The following CEP350 variants were observed in gnomAD, a reference collection of about 807,000 sequenced individuals.
The protein encoded by CEP350 is centrosomal protein 350.
In CEP350, 126 loss-of-function variants were observed where a neutral mutation model predicts 331.8. The ratio of observed to expected loss-of-function variants is 0.38; its 90% CI spans 0.33 to 0.44. The LOEUF (loss-of-function observed/expected upper bound fraction) is 0.44, where lower values mean the gene tolerates loss of function less well. Among genes scored for constraint, CEP350 ranks in the 20% least tolerant of loss-of-function variants. CEP350 has a pLI of 1.00. For missense variants in CEP350, 3,406 were observed against 3,634.6 expected (o/e 0.94, Z 1.62); for synonymous variants, 1,200 against 1,259.5 (o/e 0.95, Z 1.00).
chr1:180,071,529 C>A (rs936476153), intron 27 of CEP350, among the ~76,000 whole-genome samples: 1 of 147,972 alleles, frequency 6.8e-6, no homozygotes, highest in Admixed American at 6.7e-5. Context: ...GTAATCCCAG[C>A]ACTTTGGGAG....
chr1:180,082,729 A>T (rs1027948138), intron 30 of CEP350, among the ~76,000 whole-genome samples: 1 of 152,176 alleles, frequency 6.6e-6, no homozygotes, highest in Non-Finnish European at 1.5e-5. Flanking sequence ...TGGTAAATAT[A>T]TTTTTTATTG....
rs756121928 is a variant in CEP350 at position 180,092,621 on chromosome 1, A to C, written c.6516A>C (p.Ser2172=). ...ATTTGTTTTTTCTTTAAGATGCTTC[A>C]CTGTCTGGTTCTGAGAGATCAGTAT... The part of the protein sequence containing the change: ...LESIAEHVDA[S]LSGSERSVSE... Residue 2172 remains serine, a synonymous_variant, in exon 34 of 38, where the codon TCA becomes TCC. Coordinates refer to ENST00000367607, the MANE Select transcript of CEP350 (RefSeq NM_014810.5). The C allele has an allele frequency of 6.6e-7, 1 of 1,525,294 alleles. No homozygotes were observed. The highest frequency in any genetic ancestry group is 8.8e-7 in the Non-Finnish European group (1 of 1,134,940). 94.5% of individuals were successfully genotyped at this position (1,525,294 alleles called of 1,614,324 possible).
rs1223565412 is a variant in CEP350, at chr1:180,078,753, A to G, written c.5979+79A>G. On this transcript the variant is annotated intron_variant, in intron 29 of 37. Coordinates refer to ENST00000367607, the MANE Select transcript of CEP350 (RefSeq NM_014810.5). The stretch of plus-strand genomic sequence containing the variant: ...GTATGTTAGCAGTTATATTATTGTA[A>G]TTAATGACAGTGTTAACTGTCACCA... The G allele has an allele frequency of 2.5e-6, 3 of 1,205,044 alleles. No homozygotes were observed. In the African/African-American group the frequency reaches 4.6e-5, roughly 19 times the overall value. The allele number at this position is 1,205,044 out of a possible 1,614,324, so 74.6% of individuals were successfully genotyped here. A position where few individuals can be genotyped will look rare whatever the true frequency, so the allele number is the denominator to read the frequency against.
At chr1:180,096,219 A>G (rs887965765) in intron 36 of CEP350, 35 bp downstream of exon 36, 3 of 1,519,382 alleles carry the variant, frequency 2.0e-6, no homozygotes, top group East Asian at 4.8e-5. Flanking sequence ...TTCTTTTTTG[A>G]CTTGCTGTTC....
At chr1:179,986,757 G>A (rs188546648) in intron 2 of CEP350, among the ~76,000 whole-genome samples, 3 of 152,272 alleles carry the variant, frequency 2.0e-5, no homozygotes, top group Non-Finnish European at 1.5e-5. Flanking sequence ...CCTGGAGAAG[G>A]ATGACTTATG....
intron 34 of CEP350, chr1:180,095,288 TC>T: frequency 5.1e-6 from 2 of 390,700 alleles, no homozygotes; most frequent in South Asian, 6.5e-5. Context: ...AGAGCCCTAA[TC>T]AATAAACATT....
intron 30 of CEP350, 118 bp downstream of exon 30, chr1:180,080,779 A>G (rs1414866904): frequency 1.2e-6 from 1 of 829,392 alleles, no homozygotes; most frequent in African/African-American, 1.7e-5. Context: ...TGGTGAGTTT[A>G]TGTAGGATTG....
chr1:180,090,774 G>C lies in CEP350; in HGVS notation c.6486G>C (p.Leu2162=). Reference sequence around the variant, plus strand: ...AGTCAGAACGTTCCAGAGGATCCCTGGAGTCTATTGCTGAACATGTTGGTA... The same window carrying C: ...AGTCAGAACGTTCCAGAGGATCCCTCGAGTCTATTGCTGAACATGTTGGTA... ...LTESERSRGS[L]ESIAEHVDAS... Residue 2162 remains leucine, a synonymous_variant, in exon 33 of 38, where the codon CTG becomes CTC. Coordinates refer to ENST00000367607, the MANE Select transcript of CEP350 (RefSeq NM_014810.5). The C allele has an allele frequency of 6.5e-7, 1 of 1,548,624 alleles. No individual in the cohort carries two copies. Among genetic ancestry groups the C allele is most frequent in the South Asian group, 1.2e-5 (1 of 83,280 alleles).
At chr1:180,034,203 C>T in intron 16 of CEP350, 121 bp downstream of exon 16, 1 of 1,220,586 alleles carries the variant, frequency 8.2e-7, no homozygotes, top group Non-Finnish European at 1.1e-6. Context: ...AATATGATTA[C>T]TTTTCAAGTA....
intron 26 of CEP350, among the ~76,000 whole-genome samples, chr1:180,064,751 T>G (rs1658443663): frequency 6.6e-6 from 1 of 152,136 alleles, no homozygotes; most frequent in Non-Finnish European, 1.5e-5. Flanking sequence ...ATAGTTATAG[T>G]CTAATTTTTT....
At chr1:180,040,638 GAA>G (rs879653523) in intron 17 of CEP350, among the ~76,000 whole-genome samples, 2 of 138,844 alleles carry the variant, frequency 1.4e-5, no homozygotes. Context: ...CAAAGGAGAT[GAA>G]AAAAAAAATA....
intron 1 of CEP350, among the ~76,000 whole-genome samples, chr1:179,959,523 G>A (rs1650428730): frequency 6.6e-6 from 1 of 152,128 alleles, no homozygotes; most frequent in Non-Finnish European, 1.5e-5. Context: ...GGGAGGCTGA[G>A]GCGGGCAGAT....
chr1:180,050,686 A>C (rs545254025), intron 22 of CEP350, among the ~76,000 whole-genome samples: 23 of 151,694 alleles, frequency 1.5e-4, no homozygotes, highest in Middle Eastern at 3.4e-3. Flanking sequence ...AAAAAAAAAA[A>C]AAAACAAAAA....
intron 1 of CEP350, 40 bp from the exon 2 acceptor site, chr1:179,986,126 ATAT>A (rs1216005796): frequency 2.3e-5 from 32 of 1,416,480 alleles, no homozygotes; most frequent in East Asian, 5.0e-5. Flanking sequence ...AGGAAAAGTA[ATAT>A]TATAAGATTG....
chr1:180,029,216 T>C (rs561560422), intron 14 of CEP350, among the ~76,000 whole-genome samples: 1 of 152,312 alleles, frequency 6.6e-6, no homozygotes, highest in South Asian at 2.1e-4. Context: ...TGTCAGGACA[T>C]TTTCTTTTCA....
At position 180,020,003 on chromosome 1, in the gene CEP350, T is replaced by A; in HGVS notation, c.2229T>A (p.Val743=). Residue 743 remains valine (V), a synonymous_variant, in exon 12 of 38, where the codon GTT becomes GTA. Transcript: ENST00000367607. ...WMQPERLSPQ[V]HHSQPQPFAG... is the part of the protein sequence containing the mutation. ...AGCCTGAAAGATTGAGCCCACAAGT[T>A]CACCATTCTCAACCACAGCCTTTTG... The A allele has an allele frequency of 1.2e-6, 2 of 1,613,588 alleles. No homozygotes were observed. The highest frequency in any genetic ancestry group is 2.2e-5 in the South Asian group (2 of 91,026).
At chr1:179,960,744 C>T (rs1201011318) in intron 1 of CEP350, among the ~76,000 whole-genome samples, 1 of 152,042 alleles carries the variant, frequency 6.6e-6, no homozygotes. Context: ...CTAGTAGGTA[C>T]ACACATCCTA....
intron 6 of CEP350, among the ~76,000 whole-genome samples, chr1:179,998,387 C>T (rs1653628065): frequency 6.7e-6 from 1 of 150,058 alleles, no homozygotes; most frequent in Non-Finnish European, 1.5e-5. Context: ...CGGCCCACTG[C>T]AACCTCTGCC....
chr1:180,020,124 A>G lies in CEP350; in HGVS notation c.2350A>G (p.Asn784Asp), dbSNP rs1323384566. ...DFESILPTRK[N>D]HNMASRPLTF... ...TGAATCTATTTTACCAACCAGGAAG[A>G]ATCATAATATGGCTTCAAGGCCATT... The change falls in exon 12 of 38, where the codon AAT becomes GAT. Residue 784 changes from asparagine to aspartate, a missense_variant. Around this residue, in one of 5 missense-constraint regions of CEP350, gnomAD observed 1,857 missense variants for 1,909.2 expected, o/e 0.97. Transcript: ENST00000367607. The G allele has an allele frequency of 1.9e-6, 3 of 1,613,938 alleles. No homozygotes were observed.
Sources: gnomAD v4.1 joint callset for allele counts (sites outside exome capture counted in the v4.1 genomes callset) on GRCh38, gnomAD v4.1.1 for gene constraint, gnomAD v4.1.1 regional missense constraint, MANE v1.5 for transcripts, NCBI Gene and HGNC (gene_info 2026-07-23, HGNC 2026-07-21) for gene names.